The following TMBIM4 variants were observed in gnomAD, a reference collection of about 807,000 sequenced individuals.
TMBIM4 encodes protein lifeguard 4.
TMBIM4 carries 28 observed loss-of-function variants against 27.7 expected under a neutral mutation model. The observed-to-expected ratio is 1.01, with a 90% CI of 0.75 to 1.38. The LOEUF is 1.38. Among genes scored for constraint, TMBIM4 ranks in the 40% most tolerant of loss-of-function variants. The pLI is 0.00. For missense variants in TMBIM4, 265 were observed against 277.5 expected (o/e 0.95, Z 0.32); for synonymous variants, 115 against 113.1 (o/e 1.02, Z -0.11).
intron 1 of TMBIM4, among the ~76,000 whole-genome samples, chr12:66,155,311 G>C (rs182857499): frequency 3.1e-4 from 35 of 113,612 alleles, no homozygotes; most frequent in African/African-American, 9.4e-4. Flanking sequence ...GCCCACACCA[G>C]GATGGGGTGT....
chr12:66,138,788 A>G lies in TMBIM4; in HGVS notation c.465-19T>C. 6.6e-7 allele frequency: 1 copy of G among 1,522,630 alleles called. No individual in the cohort carries two copies. Among genetic ancestry groups the G allele is most frequent in the Non-Finnish European group, 8.7e-7 (1 of 1,143,526 alleles). The allele number at this position is 1,522,630 out of a possible 1,614,324, so 94.3% of individuals were successfully genotyped here. A position where few individuals can be genotyped will look rare whatever the true frequency, so the allele number is the denominator to read the frequency against. The stretch of plus-strand genomic sequence containing the variant: ...AAACAGCCTATAAAAATACAATTTT[A>G]GTAATTTGCAATATTGTTCCTTACA... On this transcript the variant is annotated intron_variant, in intron 5 of 6. Transcript: ENST00000358230.
intron 2 of TMBIM4, 56 bp from the exon 3 acceptor site, chr12:66,152,432 T>C: frequency 8.6e-7 from 1 of 1,166,276 alleles, no homozygotes. Flanking sequence ...ATGAGCAGTA[T>C]TATCAAATTT....
chr12:66,158,164 T>C (rs2051970376), intron 1 of TMBIM4, among the ~76,000 whole-genome samples: 1 of 143,380 alleles, frequency 7.0e-6, no homozygotes, highest in Admixed American at 7.2e-5. Context: ...AGGCGGAGCT[T>C]GCAGTGAGCC....
At chr12:66,147,847 C>A in intron 4 of TMBIM4, 61 bp downstream of exon 4, 1 of 1,394,064 alleles carries the variant, frequency 7.2e-7, no homozygotes, top group South Asian at 1.3e-5. Context: ...ACCTTTTTAC[C>A]TGAAAGATCT....
At chr12:66,153,545 ATT>A in intron 1 of TMBIM4, 97 bp from the exon 2 acceptor site, 1 of 601,750 alleles carries the variant, frequency 1.7e-6, no homozygotes, top group Non-Finnish European at 2.8e-6. Context: ...TTTTACACGT[ATT>A]CTTTCCTAAT....
chr12:66,153,345 A>C lies in TMBIM4; in HGVS notation c.201T>G (p.His67Gln). Reference protein sequence around the residue: ...LYFESVRTFVHESPALILLFA... With the variant: ...LYFESVRTFVQESPALILLFA... ...TTACCATCTCATTACCTTACCTCTC[A>C]TGTACAAATGTCCGTACAGACTCAA... The change falls in exon 2 of 7, where the codon CAT (histidine) becomes CAG (glutamine). Residue 67 changes from histidine to glutamine, a missense_variant. Coordinates refer to ENST00000358230, the MANE Select transcript of TMBIM4 (RefSeq NM_016056.4). The C allele has an allele frequency of 1.3e-6, 2 of 1,536,414 alleles. No individual in the cohort carries two copies. The highest frequency in any genetic ancestry group is 1.8e-6 in the Non-Finnish European group (2 of 1,123,434).
intron 2 of TMBIM4, 51 bp downstream of exon 2, chr12:66,153,289 T>C (rs759821658): frequency 4.5e-6 from 5 of 1,106,124 alleles, no homozygotes; most frequent in South Asian, 2.8e-5. Flanking sequence ...ATATGCCTTT[T>C]TGATCATATG....
At chr12:66,165,229 G>A (rs1057058057) in intron 1 of TMBIM4, among the ~76,000 whole-genome samples, 1 of 152,062 alleles carries the variant, frequency 6.6e-6, no homozygotes, top group African/African-American at 2.4e-5. Flanking sequence ...TATATGGAAT[G>A]TCAGGGGACC....
At position 66,169,991 on chromosome 12, in the gene TMBIM4, G is replaced by T; in HGVS notation, c.-40C>A. On this transcript the variant is annotated 5_prime_UTR_variant, in exon 1 of 7. Coordinates refer to ENST00000358230, the MANE Select transcript of TMBIM4 (RefSeq NM_016056.4). The stretch of plus-strand genomic sequence containing the variant: ...CCCTACCGGTCCCGGTCCACTAACC[G>T]CAACCGCCTCCTCCCCACTTCCGCG... The T allele has an allele frequency of 7.2e-7, 1 of 1,388,334 alleles. No homozygotes were observed. Among genetic ancestry groups the T allele is most frequent in the East Asian group, 3.0e-5 (1 of 32,832 alleles). The allele number at this position is 1,388,334 out of a possible 1,614,324, so 86.0% of individuals were successfully genotyped here.
chr12:66,166,595 G>T (rs773139760), intron 1 of TMBIM4, among the ~76,000 whole-genome samples: 67 of 152,104 alleles, frequency 4.4e-4, no homozygotes, highest in Admixed American at 1.0e-3. Context: ...ACAAGGAGAT[G>T]CCACTACACA....
At chr12:66,149,175 T>C (rs902497840) in intron 3 of TMBIM4, among the ~76,000 whole-genome samples, 1 of 152,060 alleles carries the variant, frequency 6.6e-6, no homozygotes, top group African/African-American at 2.4e-5. Context: ...GCATGGTGGC[T>C]CAGACGTGTA....
rs1362507043 is a variant in TMBIM4, at chr12:66,137,126, TAA to T, written c.*832_*833del. 1.3e-5 allele frequency: 2 copies of T among 152,232 alleles called. No homozygotes were observed. Among genetic ancestry groups the T allele is most frequent in the Non-Finnish European group, 2.9e-5 (2 of 68,036 alleles). 9.4% of individuals were successfully genotyped at this position (152,232 alleles called of 1,614,324 possible). On this transcript the variant is annotated 3_prime_UTR_variant, in exon 7 of 7. Transcript: ENST00000358230. Reference sequence around the variant, plus strand: ...CTTTTAATGTTAGTACAATTTAAAATAAAAAGTCATTAACATTTTAATGTAAT... The same window carrying T: ...CTTTTAATGTTAGTACAATTTAAAATAAAGTCATTAACATTTTAATGTAAT...
At chr12:66,149,277 C>T (rs372306063) in intron 3 of TMBIM4, among the ~76,000 whole-genome samples, 2 of 151,214 alleles carry the variant, frequency 1.3e-5, no homozygotes, top group East Asian at 1.9e-4. Context: ...CCCCTCTCTA[C>T]GAAAAACACA....
Position 66,136,853 on chromosome 12 carries a change from A to C in TMBIM4, c.*1107T>G, listed in dbSNP as rs1207838452. 1 of 152,244 alleles carries C rather than the reference A, an allele frequency of 6.6e-6. No homozygotes were observed. Among genetic ancestry groups the C allele is most frequent in the African/African-American group, 2.4e-5 (1 of 41,468 alleles). 9.4% of individuals were successfully genotyped at this position (152,244 alleles called of 1,614,324 possible). A position where few individuals can be genotyped will look rare whatever the true frequency, so the allele number is the denominator to read the frequency against. On this transcript the variant is annotated 3_prime_UTR_variant, in exon 7 of 7. Coordinates refer to ENST00000358230, the MANE Select transcript of TMBIM4 (RefSeq NM_016056.4). ...GGCAGCCTAACAAACTAGTACAGTGAGGGAATTTGACAAAATTTCATTGGT... is the reference window on the plus strand; with the variant it reads ...GGCAGCCTAACAAACTAGTACAGTGCGGGAATTTGACAAAATTTCATTGGT...
chr12:66,141,666 TAAGAAG>T lies in TMBIM4; in HGVS notation c.465-2903_465-2898del, dbSNP rs1173677128. On this transcript the variant is annotated intron_variant, in intron 5 of 6. Transcript: ENST00000358230. ...ACGATGCTAACATGCTAACACAAAT[TAAGAAG>T]AAAGCTGGGGTTGCTATATTAATAA... Among the ~76,000 whole-genome samples, 3 of 151,918 alleles carry T rather than the reference TAAGAAG, an allele frequency of 2.0e-5. No homozygotes were observed. In the South Asian group the frequency reaches 6.2e-4, roughly 31 times the overall value.
At position 66,136,025 on chromosome 12, in the gene TMBIM4, C is replaced by T. The variant is rs1404763437; in HGVS notation, c.*1935G>A. The T allele has an allele frequency of 8.9e-5, 3 of 33,838 alleles. No homozygotes were observed. Among genetic ancestry groups the T allele is most frequent in the Admixed American group, 3.7e-4 (2 of 5,372 alleles). 2.1% of individuals were successfully genotyped at this position (33,838 alleles called of 1,614,324 possible). ...CTATTGTCCCATGACCCTGCCAAAT[C>T]CCCCTCTGTGAGAAACAACCAAGAA... On this transcript the variant is annotated 3_prime_UTR_variant, in exon 7 of 7. Transcript: ENST00000358230.
At chr12:66,167,214 G>A (rs1040362928) in intron 1 of TMBIM4, among the ~76,000 whole-genome samples, 1 of 152,138 alleles carries the variant, frequency 6.6e-6, no homozygotes, top group Non-Finnish European at 1.5e-5. Flanking sequence ...CAAACTCATA[G>A]AATATACAAC....
At chr12:66,165,113 C>G (rs1470351224) in intron 1 of TMBIM4, among the ~76,000 whole-genome samples, 1 of 151,876 alleles carries the variant, frequency 6.6e-6, no homozygotes, top group Non-Finnish European at 1.5e-5. Context: ...ATTGGAAAAC[C>G]GATGTTCATA....
chr12:66,162,730 G>GA (rs1480120610), intron 1 of TMBIM4, among the ~76,000 whole-genome samples: 3 of 152,060 alleles, frequency 2.0e-5, no homozygotes, highest in Non-Finnish European at 4.4e-5. Context: ...ACATACTGCA[G>GA]ACCACCCCAA....
Sources: gnomAD v4.1 joint callset for allele counts (sites outside exome capture counted in the v4.1 genomes callset) on GRCh38, gnomAD v4.1.1 for gene constraint, MANE v1.5 for transcripts, NCBI Gene and HGNC (gene_info 2026-07-23, HGNC 2026-07-21) for gene names.